ATP8A2: variants seen among roughly 807,000 people sequenced by gnomAD.
The protein encoded by ATP8A2 is phospholipid-transporting ATPase IB.
ATP8A2 carries 100 observed loss-of-function variants against 165.6 expected under a neutral mutation model. The observed-to-expected ratio is 0.60, with a 90% CI of 0.51 to 0.71. The LOEUF (loss-of-function observed/expected upper bound fraction) is 0.71. Ranked by LOEUF, ATP8A2 falls within the 30% of genes least tolerant of loss-of-function variation. The pLI is 0.00. For synonymous variants in ATP8A2, 543 were observed against 548.8 expected, an observed-to-expected ratio of 0.99 and a Z score of 0.15; for missense variants, 1,227 against 1,479.5, an observed-to-expected ratio of 0.83 and a Z score of 2.80.
intron 33 of ATP8A2, among the ~76,000 whole-genome samples, chr13:25,932,725 G>A (rs1464698574): frequency 1.3e-5 from 2 of 152,220 alleles, no homozygotes; most frequent in Admixed American, 6.5e-5. Context: ...CTCAAAGCCT[G>A]CTGGGGAAGT....
chr13:25,520,758 C>T (rs2037643311), intron 2 of ATP8A2, among the ~76,000 whole-genome samples: 1 of 151,700 alleles, frequency 6.6e-6, no homozygotes. Context: ...CCCGCCACCA[C>T]ACCTGGCTAA....
intron 25 of ATP8A2, among the ~76,000 whole-genome samples, chr13:25,738,497 T>C (rs1288291576): frequency 6.6e-6 from 1 of 152,156 alleles, no homozygotes; most frequent in Non-Finnish European, 1.5e-5. Context: ...GATAAAAATA[T>C]GCTGTGATTG....
intron 13 of ATP8A2, among the ~76,000 whole-genome samples, chr13:25,558,074 GT>G: frequency 6.6e-6 from 1 of 152,006 alleles, no homozygotes; most frequent in Non-Finnish European, 1.5e-5. Flanking sequence ...TGGCTAATTT[GT>G]TTTGTATTTT....
intron 25 of ATP8A2, among the ~76,000 whole-genome samples, chr13:25,751,953 T>C (rs1593293620): frequency 6.6e-6 from 1 of 151,032 alleles, no homozygotes; most frequent in East Asian, 1.9e-4. Flanking sequence ...TTACGTGTAC[T>C]GTTGTAATTT....
chr13:25,878,833 A>C (rs1169434731), intron 33 of ATP8A2, among the ~76,000 whole-genome samples: 1 of 152,052 alleles, frequency 6.6e-6, no homozygotes, highest in African/African-American at 2.4e-5. Context: ...ACTCACGTCC[A>C]TCACCACTTC....
intron 30 of ATP8A2, among the ~76,000 whole-genome samples, chr13:25,858,085 T>G (rs1040503910): frequency 5.3e-5 from 8 of 152,324 alleles, no homozygotes; most frequent in African/African-American, 1.9e-4. Context: ...AAGGCTATAA[T>G]CTATGTTAGA....
At chr13:25,851,513 G>A (rs12020004) in intron 30 of ATP8A2, among the ~76,000 whole-genome samples, 19,994 of 151,374 alleles carry the variant, frequency 0.13, 1,552 homozygotes, top group Non-Finnish European at 0.18. Context: ...AACCCAGGAG[G>A]CAGAGTTTGC....
chr13:25,882,112 C>G (rs763874318), intron 33 of ATP8A2, among the ~76,000 whole-genome samples: 6 of 152,098 alleles, frequency 3.9e-5, no homozygotes, highest in Non-Finnish European at 5.9e-5. Context: ...CTCTGTTTCC[C>G]GCAGGGCTCA....
intron 26 of ATP8A2, among the ~76,000 whole-genome samples, chr13:25,773,927 G>A (rs2044682231): frequency 6.6e-6 from 1 of 152,056 alleles, no homozygotes; most frequent in African/African-American, 2.4e-5. Flanking sequence ...TTTAAACTAC[G>A]CAGTTGTTAG....
intron 25 of ATP8A2, among the ~76,000 whole-genome samples, chr13:25,755,879 C>T (rs2044250604): frequency 6.6e-6 from 1 of 152,106 alleles, no homozygotes; most frequent in Non-Finnish European, 1.5e-5. Context: ...TGCACTCCAA[C>T]CCCAGATGAC....
At chr13:25,490,724 TTG>T (rs969333462) in intron 2 of ATP8A2, among the ~76,000 whole-genome samples, 1 of 6,866 alleles carries the variant, frequency 1.5e-4, no homozygotes, top group Non-Finnish European at 5.1e-4. Context: ...ATTAGTTTTT[TTG>T]TTTTTTTTTT....
chr13:25,955,101 G>C (rs1192509538), intron 33 of ATP8A2, among the ~76,000 whole-genome samples: 2 of 152,008 alleles, frequency 1.3e-5, no homozygotes, highest in Admixed American at 1.3e-4. Flanking sequence ...TAAGAACCTT[G>C]AAAAAAGGTT....
At position 25,530,643 on chromosome 13, in the gene ATP8A2, G is replaced by A; in HGVS notation, c.403G>A (p.Glu135Lys). The A allele has an allele frequency of 1.3e-6, 2 of 1,585,764 alleles. No homozygotes were observed. The highest frequency in any genetic ancestry group is 1.7e-6 in the Non-Finnish European group (2 of 1,160,934). The change falls in exon 4 of 37, where the codon GAG (glutamate) becomes AAG (lysine). Residue 135 changes from glutamate (E) to lysine (K), a missense_variant. Physicochemically the swap from Glu to Lys is moderately conservative, Grantham distance 56. This residue lies in a region of ATP8A2 where 356 missense variants were observed against 394.9 expected (regional missense o/e 0.90). Coordinates refer to ENST00000381655, the MANE Select transcript of ATP8A2 (RefSeq NM_016529.6). ...IIILTIAGIK[E>K]IVEDFKRHKA... ...TATTTTAACAATTGCAGGCATCAAAGAGATTGTAGAAGATTTTGTAAGTTT... is the reference window on the plus strand; with the variant it reads ...TATTTTAACAATTGCAGGCATCAAAAAGATTGTAGAAGATTTTGTAAGTTT...
At chr13:25,964,554 C>T (rs919244464) in intron 34 of ATP8A2, among the ~76,000 whole-genome samples, 8 of 152,204 alleles carry the variant, frequency 5.3e-5, no homozygotes, top group Non-Finnish European at 1.2e-4. Context: ...CTTTAGAAAA[C>T]GCTGTTGGCT....
chr13:25,884,685 T>C (rs1209078369), intron 33 of ATP8A2, among the ~76,000 whole-genome samples: 1 of 152,244 alleles, frequency 6.6e-6, no homozygotes, highest in Non-Finnish European at 1.5e-5. Flanking sequence ...ACTGTTACTC[T>C]AACCTTGGCC....
At position 25,787,431 on chromosome 13, in the gene ATP8A2, G is replaced by A. The variant is rs182239107; in HGVS notation, c.2679+12472G>A. ...TGCTGAGTGGTATTCCATTGCATGG[G>A]TGTTTCACAGTTTATTCATTCACCT... On this transcript the variant is annotated intron_variant, in intron 27 of 36. Transcript: ENST00000381655. Among the ~76,000 whole-genome samples the A allele has an allele frequency of 3.3e-5, 5 of 152,334 alleles. No homozygotes were observed. The East Asian group carries it at 9.6e-4, about 29-fold the overall frequency.
intron 2 of ATP8A2, among the ~76,000 whole-genome samples, chr13:25,529,536 A>G (rs1447363774): frequency 6.6e-6 from 1 of 152,288 alleles, no homozygotes; most frequent in African/African-American, 2.4e-5. Flanking sequence ...GGTAGGGTGT[A>G]AGGGAGAGGA....
At chr13:25,799,577 C>T (rs1304693521) in intron 27 of ATP8A2, among the ~76,000 whole-genome samples, 1 of 152,176 alleles carries the variant, frequency 6.6e-6, no homozygotes, top group Non-Finnish European at 1.5e-5. Context: ...AAAATAATTT[C>T]ACACAAGTCT....
intron 33 of ATP8A2, among the ~76,000 whole-genome samples, chr13:25,879,783 A>G (rs766000419): frequency 6.6e-6 from 1 of 152,218 alleles, no homozygotes; most frequent in Non-Finnish European, 1.5e-5. Flanking sequence ...CCTGCAAATA[A>G]TAGGAGGAAA....
Sources: gnomAD v4.1 joint callset for allele counts (sites outside exome capture counted in the v4.1 genomes callset) on GRCh38, gnomAD v4.1.1 for gene constraint, gnomAD v4.1.1 regional missense constraint, MANE v1.5 for transcripts, NCBI Gene and HGNC (gene_info 2026-07-23, HGNC 2026-07-21) for gene names.